Variants in OTUD7A observed in about 807,000 individuals in gnomAD.
OTUD7A encodes the protein OTU domain-containing protein 7A.
In OTUD7A, 12 loss-of-function variants were observed where a neutral mutation model predicts 65.7. The observed-to-expected ratio is 0.18, with a 90% CI of 0.12 to 0.30. The LOEUF is 0.30. Ranked by LOEUF, OTUD7A falls within the 10% of genes least tolerant of loss-of-function variation. OTUD7A has a pLI of 1.00. For synonymous variants in OTUD7A, 641 were observed against 586.3 expected (o/e 1.09, Z -1.35); for missense variants, 1,148 against 1,304.8 (o/e 0.88, Z 1.85).
At chr15:31,781,810 T>A (rs974383794) in intron 1 of OTUD7A, among the ~76,000 whole-genome samples, 7 of 152,206 alleles carry the variant, frequency 4.6e-5, no homozygotes, top group Admixed American at 1.3e-4. Flanking sequence ...GCTGACTTTA[T>A]CTACTATCAG....
In OTUD7A at chr15:31,510,929, ATATGTATAT is replaced by A. The variant is rs1275568870; in HGVS notation, c.894-7120_894-7112del. Among the ~76,000 whole-genome samples, 35 of 15,672 alleles carry A rather than the reference ATATGTATAT, an allele frequency of 2.2e-3. 11 individuals are homozygous for A. Among genetic ancestry groups the A allele is most frequent in the South Asian group, 4.4e-3 (5 of 1,146 alleles). 10.3% of individuals were successfully genotyped at this position (15,672 alleles called of 152,430 possible). ...ATATATGTATATCTATATGTAACAT[ATATGTATAT>A]CTATATGTAACATATATGTATATCT... On this transcript the variant is annotated intron_variant, in intron 8 of 12. Transcript: ENST00000307050.
chr15:31,686,145 G>A (rs1027984963), intron 1 of OTUD7A, among the ~76,000 whole-genome samples: 13 of 152,364 alleles, frequency 8.5e-5, no homozygotes, highest in African/African-American at 3.1e-4. Flanking sequence ...CCAGGCTGCT[G>A]CTATGCAGAA....
At chr15:31,831,141 T>C (rs1000342650) in intron 1 of OTUD7A, among the ~76,000 whole-genome samples, 4 of 152,186 alleles carry the variant, frequency 2.6e-5, no homozygotes, top group Non-Finnish European at 2.9e-5. Context: ...TACCTCACAC[T>C]ATACACAAAA....
At chr15:31,832,391 T>C (rs1896955139) in intron 1 of OTUD7A, among the ~76,000 whole-genome samples, 1 of 152,134 alleles carries the variant, frequency 6.6e-6, no homozygotes, top group African/African-American at 2.4e-5. Context: ...CAGGAAGGAA[T>C]GAGTGGTCTT....
intron 3 of OTUD7A, among the ~76,000 whole-genome samples, chr15:31,627,801 T>C (rs1891008917): frequency 6.6e-6 from 1 of 152,246 alleles, no homozygotes; most frequent in Non-Finnish European, 1.5e-5. Flanking sequence ...TGTGAGATGG[T>C]ATCTCATTGT....
intron 1 of OTUD7A, among the ~76,000 whole-genome samples, chr15:31,689,838 G>A (rs937159526): frequency 6.6e-6 from 1 of 152,154 alleles, no homozygotes; most frequent in African/African-American, 2.4e-5. Context: ...TCTCAGCGGG[G>A]CTCAAACACT....
intron 3 of OTUD7A, among the ~76,000 whole-genome samples, chr15:31,587,484 T>C (rs2141192612): frequency 6.6e-6 from 1 of 151,040 alleles, no homozygotes; most frequent in African/African-American, 2.4e-5. Flanking sequence ...AAAAAAAAAA[T>C]ACAAAAATTA....
In OTUD7A at chr15:31,501,710, C is replaced by T. The variant is rs765236899; in HGVS notation, c.1151G>A (p.Arg384Lys). The change falls in exon 10 of 13, where the codon AGA (arginine) becomes AAA (lysine). Residue 384 changes from arginine (R) to lysine (K), a missense_variant. Physicochemically the swap from Arg to Lys is conservative, Grantham distance 26. Transcript: ENST00000307050. ...HFSALVSMEQ[R>K]DQQREQAVIP... is the part of the protein sequence containing the mutation. Reference sequence around the variant, plus strand: ...CATACCTTGTTCTCTTTGCTGGTCTCTCTGTTCCATGGACACAAGGGCAGA... The same window carrying T: ...CATACCTTGTTCTCTTTGCTGGTCTTTCTGTTCCATGGACACAAGGGCAGA... 1 of 1,614,192 alleles carries T rather than the reference C, an allele frequency of 6.2e-7. No individual in the cohort carries two copies. Among genetic ancestry groups the T allele is most frequent in the South Asian group, 1.1e-5 (1 of 91,088 alleles).
intron 3 of OTUD7A, among the ~76,000 whole-genome samples, chr15:31,576,346 T>C (rs894308597): frequency 2.6e-5 from 4 of 152,178 alleles, no homozygotes; most frequent in Admixed American, 1.3e-4. Flanking sequence ...CTCTGCCCTA[T>C]TGTTTATGTA....
At chr15:31,634,154 A>G (rs1891264817) in intron 3 of OTUD7A, among the ~76,000 whole-genome samples, 1 of 152,208 alleles carries the variant, frequency 6.6e-6, no homozygotes, top group African/African-American at 2.4e-5. Flanking sequence ...ATCCACCAGG[A>G]TAAAGAAGTA....
rs150682377 is a variant in OTUD7A at position 31,559,060 on chromosome 15, C to T, written c.459G>A (p.Leu153=). ...PLEMPIYTFQ[L]PDLSVYSEDF... ...CCTCGCTGTACACGCTCAGGTCTGG[C>T]AACTGGAATGTGTAGATTGGCATCT... The change falls in exon 5 of 13, where the codon TTG becomes TTA. Residue 153 remains leucine, a synonymous_variant. Transcript: ENST00000307050. 30 of 1,614,094 alleles carry T rather than the reference C, an allele frequency of 1.9e-5. No individual in the cohort carries two copies. The East Asian group carries it at 6.7e-4, about 36-fold the overall frequency.
intron 3 of OTUD7A, among the ~76,000 whole-genome samples, chr15:31,598,828 C>T (rs777060903): frequency 3.4e-4 from 52 of 152,216 alleles, no homozygotes; most frequent in Middle Eastern, 3.4e-3. Flanking sequence ...GGGGGAGGGG[C>T]GTCTGCCATT....
At chr15:31,526,254 C>A in intron 8 of OTUD7A, 95 bp downstream of exon 8, 1 of 1,236,330 alleles carries the variant, frequency 8.1e-7, no homozygotes, top group Non-Finnish European at 1.1e-6. Flanking sequence ...ACAAGAGTCC[C>A]ACATTCCCCC....
rs373899339 is a variant in OTUD7A at position 31,484,694 on chromosome 15, C to G, written c.1402G>C (p.Ala468Pro). 3 of 1,585,206 alleles carry G rather than the reference C, an allele frequency of 1.9e-6. No individual in the cohort carries two copies. In the African/African-American group the frequency reaches 4.0e-5, roughly 21 times the overall value. Reference protein sequence around the residue: ...APLAQPESPTASAGEDVQSLA... With the variant: ...APLAQPESPTPSAGEDVQSLA... Reference sequence around the variant, plus strand: ...GACTGCACGTCCTCCCCTGCCGAGGCCGTGGGAGACTCCGGCTGTGCCAGG... The same window carrying G: ...GACTGCACGTCCTCCCCTGCCGAGGGCGTGGGAGACTCCGGCTGTGCCAGG... The change falls in exon 13 of 13, where the codon GCC becomes CCC. Residue 468 changes from alanine (A) to proline (P), a missense_variant. Coordinates refer to ENST00000307050, the MANE Select transcript of OTUD7A (RefSeq NM_001382637.1). This position sits in a 1 kb window ranked among gnomAD's most constrained non-coding sequence, Gnocchi z 4.5.
intron 1 of OTUD7A, among the ~76,000 whole-genome samples, chr15:31,793,556 T>C (rs1376084967): frequency 6.6e-6 from 1 of 152,250 alleles, no homozygotes; most frequent in Non-Finnish European, 1.5e-5. Flanking sequence ...CTTCTCATTC[T>C]CCGTCATCCT....
At chr15:31,529,648 T>C (rs946668763) in intron 6 of OTUD7A, among the ~76,000 whole-genome samples, 5 of 152,166 alleles carry the variant, frequency 3.3e-5, no homozygotes, top group Non-Finnish European at 7.4e-5. Context: ...TTGTTCTCCA[T>C]CCTCCTCTGG....
intron 3 of OTUD7A, among the ~76,000 whole-genome samples, chr15:31,592,444 G>C (rs538530607): frequency 6.6e-6 from 1 of 151,770 alleles, no homozygotes; most frequent in Admixed American, 6.6e-5. Flanking sequence ...ATCCGTATCA[G>C]TGTCTCCACC....
intron 1 of OTUD7A, among the ~76,000 whole-genome samples, chr15:31,793,159 C>G (rs976416275): frequency 2.6e-5 from 4 of 152,168 alleles, no homozygotes; most frequent in African/African-American, 4.8e-5. Flanking sequence ...CCGGAAGCAG[C>G]AGGAATGTCC....
At chr15:31,844,429 G>A (rs1040413413) in intron 1 of OTUD7A, among the ~76,000 whole-genome samples, 4 of 152,242 alleles carry the variant, frequency 2.6e-5, no homozygotes, top group East Asian at 3.8e-4. Context: ...CCCAGGAGGC[G>A]GAGGTTGCAG....
Sources: gnomAD v4.1 joint callset for allele counts (sites outside exome capture counted in the v4.1 genomes callset) on GRCh38, gnomAD v4.1.1 for gene constraint, Gnocchi (gnomAD v3.1) non-coding constraint, MANE v1.5 for transcripts, NCBI Gene and HGNC (gene_info 2026-07-23, HGNC 2026-07-21) for gene names.